The following PALS2 variants were observed in gnomAD, a reference collection of about 807,000 sequenced individuals.
PALS2 encodes protein associated with LIN7 2, MAGUK p55 family member, also known as protein PALS2.
In PALS2, 27 loss-of-function variants were observed where a neutral mutation model predicts 61.6. The observed-to-expected ratio is 0.44, with a 90% confidence interval of 0.32 to 0.60. The LOEUF is 0.60. Ranked by LOEUF, PALS2 falls within the 20% of genes least tolerant of loss-of-function variation. The pLI is 0.05. For synonymous variants in PALS2, 236 were observed against 218.6 expected (o/e 1.08, Z -0.70); for missense variants, 554 against 639.4 (o/e 0.87, Z 1.44).
intron 2 of PALS2, among the ~76,000 whole-genome samples, chr7:24,635,589 G>A (rs1236930675): frequency 5.3e-5 from 8 of 152,106 alleles, no homozygotes; most frequent in Non-Finnish European, 1.0e-4. Context: ...ATGTTAAATA[G>A]AAGTGATGAG....
chr7:24,653,076 C>G (rs1786242849), intron 5 of PALS2, among the ~76,000 whole-genome samples: 1 of 152,060 alleles, frequency 6.6e-6, no homozygotes, highest in South Asian at 2.1e-4. Flanking sequence ...CCAACATGAC[C>G]TGGACAACTA....
intron 2 of PALS2, among the ~76,000 whole-genome samples, chr7:24,628,068 A>G (rs997923132): frequency 3.9e-5 from 6 of 152,228 alleles, no homozygotes; most frequent in East Asian, 1.9e-4. Context: ...ACAACAAAAA[A>G]GAAAATTTCA....
chr7:24,595,879 A>T (rs1024395483), intron 1 of PALS2, among the ~76,000 whole-genome samples: 25 of 125,476 alleles, frequency 2.0e-4, no homozygotes, highest in Admixed American at 1.5e-3. Flanking sequence ...GAGCATTTCA[A>T]GGAGAGAGAA....
At chr7:24,664,769 ATCTC>A (rs1271436148) in intron 6 of PALS2, among the ~76,000 whole-genome samples, 1 of 152,062 alleles carries the variant, frequency 6.6e-6, no homozygotes, top group African/African-American at 2.4e-5. Flanking sequence ...CATTTAAAAA[ATCTC>A]TCTGTGGCTG....
chr7:24,600,019 C>G (rs1783661768), intron 1 of PALS2, among the ~76,000 whole-genome samples: 1 of 152,030 alleles, frequency 6.6e-6, no homozygotes, highest in Admixed American at 6.6e-5. Flanking sequence ...TCTGGAATCT[C>G]CTGAAGAACC....
intron 5 of PALS2, among the ~76,000 whole-genome samples, chr7:24,660,561 C>CT (rs1583966984): frequency 6.6e-6 from 1 of 151,864 alleles, no homozygotes; most frequent in African/African-American, 2.4e-5. Flanking sequence ...CACACACACA[C>CT]TTTTTTAACG....
rs1163892912 is a variant in PALS2 at position 24,693,953 on chromosome 7, G to A, written c.*6339G>A. The A allele has an allele frequency of 6.6e-6, 1 of 151,808 alleles. No individual in the cohort carries two copies. Among genetic ancestry groups the A allele is most frequent in the African/African-American group, 2.4e-5 (1 of 41,302 alleles). The allele number at this position is 151,808 out of a possible 1,614,324, so 9.4% of individuals were successfully genotyped here. On this transcript the variant is annotated 3_prime_UTR_variant, in exon 12 of 12. Transcript: ENST00000222644. The stretch of plus-strand genomic sequence containing the variant: ...TCTTTTATTTGAACACAAGACGCAT[G>A]CTTTTTTAAACCTCTAGTTTTTGAA...
At chr7:24,613,237 T>G (rs972527284) in intron 1 of PALS2, among the ~76,000 whole-genome samples, 1 of 151,770 alleles carries the variant, frequency 6.6e-6, no homozygotes, top group African/African-American at 2.4e-5. Flanking sequence ...CATGCCTTTT[T>G]TTAAAGAGAG....
At position 24,636,200 on chromosome 7, in the gene PALS2, A is replaced by T. The variant is rs184686927; in HGVS notation, c.118-5516A>T. ...GCACTCCAGCCTGGGCAACAAGAGC[A>T]AAACTCTATCTCAAAAAAAAAAAAA... On this transcript the variant is annotated intron_variant, in intron 2 of 11. Coordinates refer to ENST00000222644, the MANE Select transcript of PALS2 (RefSeq NM_001303037.2). Among the ~76,000 whole-genome samples, 247 of 150,362 alleles carry T rather than the reference A, an allele frequency of 1.6e-3. 2 individuals carry two copies. Among genetic ancestry groups the T allele is most frequent in the African/African-American group, 5.9e-3 (238 of 40,648 alleles).
At chr7:24,649,392 A>G (rs1786021405) in intron 3 of PALS2, among the ~76,000 whole-genome samples, 1 of 152,086 alleles carries the variant, frequency 6.6e-6, no homozygotes, top group Non-Finnish European at 1.5e-5. Context: ...TCATATCTCA[A>G]AGAAGGAATA....
intron 11 of PALS2, among the ~76,000 whole-genome samples, chr7:24,684,095 A>G (rs1327408396): frequency 6.6e-6 from 1 of 151,958 alleles, no homozygotes; most frequent in African/African-American, 2.4e-5. Context: ...CACTAAGTAG[A>G]TACAGTCAGA....
intron 1 of PALS2, among the ~76,000 whole-genome samples, chr7:24,619,207 T>G (rs918070360): frequency 6.6e-6 from 1 of 152,220 alleles, no homozygotes; most frequent in African/African-American, 2.4e-5. Context: ...GATCTTTCTG[T>G]GTATCACAAT....
rs946440590 is a variant in PALS2, at chr7:24,576,763, C to G, written c.-3+3170C>G. Among the ~76,000 whole-genome samples the G allele has an allele frequency of 5.3e-5, 8 of 152,190 alleles. No individual in the cohort carries two copies. In the East Asian group the frequency reaches 1.5e-3, roughly 29 times the overall value. Reference sequence around the variant, plus strand: ...CTGTGAAGTGTATCTATATCCAAACCCTTTAAACAAATTGGTCTCCTCTTA... The same window carrying G: ...CTGTGAAGTGTATCTATATCCAAACGCTTTAAACAAATTGGTCTCCTCTTA... On this transcript the variant is annotated intron_variant, in intron 1 of 11. Coordinates refer to ENST00000222644, the MANE Select transcript of PALS2 (RefSeq NM_001303037.2).
chr7:24,581,739 C>G (rs374536781), intron 1 of PALS2, among the ~76,000 whole-genome samples: 4 of 152,244 alleles, frequency 2.6e-5, no homozygotes, highest in Admixed American at 1.3e-4. Context: ...GTGATGAAGC[C>G]GAGAAACGTT....
chr7:24,640,805 A>G (rs112120231), intron 2 of PALS2, among the ~76,000 whole-genome samples: 3,063 of 151,958 alleles, frequency 0.02, 93 homozygotes, highest in African/African-American at 0.06. Flanking sequence ...TCAGGAGATC[A>G]AGACCATCCT....
chr7:24,657,227 C>A (rs1786466737), intron 5 of PALS2, among the ~76,000 whole-genome samples: 1 of 152,148 alleles, frequency 6.6e-6, no homozygotes, highest in Non-Finnish European at 1.5e-5. Context: ...TGAGTATATA[C>A]CAGGGGTTGA....
At chr7:24,629,532 C>T (rs1392787833) in intron 2 of PALS2, among the ~76,000 whole-genome samples, 1 of 152,080 alleles carries the variant, frequency 6.6e-6, no homozygotes, top group Non-Finnish European at 1.5e-5. Flanking sequence ...AAACTATCAT[C>T]GGAGTGAACA....
chr7:24,583,616 T>G (rs1329737978), intron 1 of PALS2, among the ~76,000 whole-genome samples: 1 of 151,060 alleles, frequency 6.6e-6, no homozygotes, highest in Non-Finnish European at 1.5e-5. Context: ...GATATCTTAT[T>G]CAGATCCTTT....
At chr7:24,642,193 C>G (rs571785942) in intron 3 of PALS2, among the ~76,000 whole-genome samples, 2 of 152,216 alleles carry the variant, frequency 1.3e-5, no homozygotes, top group South Asian at 4.1e-4. Flanking sequence ...GGATTTTTTT[C>G]TTCCTCATTC....
Sources: allele counts gnomAD v4.1 joint callset (sites outside exome capture counted in the v4.1 genomes callset), GRCh38; gene constraint gnomAD v4.1.1; transcripts MANE v1.5; gene names NCBI Gene and HGNC (gene_info 2026-07-23, HGNC 2026-07-21).